Variants in PALMD observed in about 807,000 individuals in gnomAD.
PALMD encodes paralemmin-like protein.
Under a neutral mutation model 56.2 loss-of-function variants are expected in PALMD, and 42 were observed. The observed-to-expected ratio is 0.75, with a 90% CI of 0.58 to 0.97. The LOEUF (loss-of-function observed/expected upper bound fraction) is 0.97, where lower values mean the gene tolerates loss of function less well. Ranked by LOEUF, PALMD falls within the 50% of genes least tolerant of loss-of-function variation. The pLI, the probability that PALMD is intolerant of heterozygous loss-of-function variation, is 0.00. For missense variants in PALMD, 660 were observed against 643.8 expected, an observed-to-expected ratio of 1.03 and a Z score of -0.27; for synonymous variants, 242 against 222.9, an observed-to-expected ratio of 1.09 and a Z score of -0.76.
chr1:99,687,632 G>A (rs1653537635), intron 6 of PALMD, among the ~76,000 whole-genome samples: 1 of 152,156 alleles, frequency 6.6e-6, no homozygotes, highest in African/African-American at 2.4e-5. Context: ...GAAAAATGAA[G>A]GTTTGCATTA....
intron 1 of PALMD, among the ~76,000 whole-genome samples, chr1:99,659,765 AG>A (rs1652805935): frequency 6.6e-6 from 1 of 152,228 alleles, no homozygotes; most frequent in Admixed American, 6.5e-5. Flanking sequence ...ATGAGGAAAA[AG>A]TATGCCTATC....
intron 1 of PALMD, among the ~76,000 whole-genome samples, chr1:99,658,234 G>A (rs957565516): frequency 6.6e-6 from 1 of 151,004 alleles, no homozygotes; most frequent in Non-Finnish European, 1.5e-5. Context: ...AGACCAGGAG[G>A]CAGAGGTTGT....
chr1:99,665,515 CAA>C (rs1370242584), intron 2 of PALMD, among the ~76,000 whole-genome samples: 1 of 152,044 alleles, frequency 6.6e-6, no homozygotes, highest in African/African-American at 2.4e-5. Flanking sequence ...GAAGTATGAA[CAA>C]AGTTTTACAA....
At position 99,647,147 on chromosome 1, in the gene PALMD, G is replaced by A. The variant is rs147103567; in HGVS notation, c.45+785G>A. ...ATTTTATAAAACCCTGTATTTGGCA[G>A]TAACTTGGAAATCTGTGTCACAATC... On this transcript the variant is annotated intron_variant, in intron 1 of 7. Transcript: ENST00000263174. 2.9e-4 allele frequency among the ~76,000 whole-genome samples: 44 copies of A among 152,252 alleles called. 1 individual carries two copies. In the East Asian group the frequency reaches 7.5e-3, roughly 26 times the overall value.
intron 7 of PALMD, among the ~76,000 whole-genome samples, chr1:99,693,339 A>G (rs1305480396): frequency 1.3e-5 from 2 of 152,230 alleles, no homozygotes; most frequent in African/African-American, 2.4e-5. Context: ...GAATACCAGA[A>G]TACTCATCCA....
rs535278723 is a variant in PALMD, at chr1:99,648,345, G to C, written c.45+1983G>C. ...AACACATCCACTCTCCTCCCTCTTG[G>C]ACGCCCTGGGACACGCCAGCTTTCC... On this transcript the variant is annotated intron_variant, in intron 1 of 7. Coordinates refer to ENST00000263174, the MANE Select transcript of PALMD (RefSeq NM_017734.5). 4.6e-5 allele frequency among the ~76,000 whole-genome samples: 7 copies of C among 152,160 alleles called. No homozygotes were observed. In the East Asian group the frequency reaches 5.8e-4, roughly 13 times the overall value.
intron 3 of PALMD, among the ~76,000 whole-genome samples, chr1:99,672,111 CATAACCTTTAAGTAAAGCAT>C (rs1221018293): frequency 3.3e-5 from 5 of 152,202 alleles, no homozygotes; most frequent in Non-Finnish European, 7.4e-5. Flanking sequence ...CTGACTCACA[CATAACCTTTAAGTAAAGCAT>C]ATCTGCTTAT....
In PALMD at chr1:99,678,112, A is replaced by ATT. The variant is rs749171548; in HGVS notation, c.252-8549_252-8548dup. On this transcript the variant is annotated intron_variant, in intron 3 of 7. Coordinates refer to ENST00000263174, the MANE Select transcript of PALMD (RefSeq NM_017734.5). ...AGGAGAAAAGTGTAAGTCCTTTTCT[A>ATT]TTTTTTTTTTTTTTTTGAGACTGTC... Among the ~76,000 whole-genome samples, 248 of 137,404 alleles carry ATT rather than the reference A, an allele frequency of 1.8e-3. 1 individual carries two copies. Among genetic ancestry groups the ATT allele is most frequent in the African/African-American group, 6.0e-3 (228 of 37,788 alleles). The allele number at this position is 137,404 out of a possible 152,430, so 90.1% of individuals were successfully genotyped here.
chr1:99,656,575 A>G (rs980447772), intron 1 of PALMD, among the ~76,000 whole-genome samples: 5 of 152,222 alleles, frequency 3.3e-5, no homozygotes, highest in Non-Finnish European at 5.9e-5. Flanking sequence ...CAATCATTGC[A>G]CTAACTTGCC....
intron 3 of PALMD, among the ~76,000 whole-genome samples, chr1:99,678,451 G>C (rs916020759): frequency 6.6e-6 from 1 of 152,072 alleles, no homozygotes; most frequent in Non-Finnish European, 1.5e-5. Context: ...AAGCCCTGTT[G>C]TAGGGGTTTA....
At chr1:99,672,527 C>T (rs1456591992) in intron 3 of PALMD, among the ~76,000 whole-genome samples, 1 of 152,186 alleles carries the variant, frequency 6.6e-6, no homozygotes, top group Non-Finnish European at 1.5e-5. Context: ...CAATAGCCCA[C>T]ACCCAAAATG....
intron 3 of PALMD, among the ~76,000 whole-genome samples, chr1:99,672,018 G>A (rs1243674672): frequency 6.6e-6 from 1 of 152,066 alleles, no homozygotes; most frequent in Non-Finnish European, 1.5e-5. Context: ...TCCAATCTAT[G>A]CTACAATTTC....
chr1:99,680,046 A>G (rs1467670934), intron 3 of PALMD, among the ~76,000 whole-genome samples: 1 of 152,234 alleles, frequency 6.6e-6, no homozygotes, highest in African/African-American at 2.4e-5. Context: ...TCCCCTCATG[A>G]GTTCCAATCT....
chr1:99,662,595 C>T (rs1006560656), intron 2 of PALMD, among the ~76,000 whole-genome samples, 196 bp downstream of exon 2: 1 of 152,184 alleles, frequency 6.6e-6, no homozygotes, highest in Non-Finnish European at 1.5e-5. Flanking sequence ...CAAACATGTG[C>T]AAAGTTGAAC....
chr1:99,663,562 C>G (rs984242619), intron 2 of PALMD, among the ~76,000 whole-genome samples: 1 of 151,986 alleles, frequency 6.6e-6, no homozygotes, highest in Non-Finnish European at 1.5e-5. Context: ...TCCTCTCTCT[C>G]TCTCTCACAC....
chr1:99,670,910 C>CA (rs949963301), intron 3 of PALMD, among the ~76,000 whole-genome samples: 2 of 151,962 alleles, frequency 1.3e-5, no homozygotes, highest in Non-Finnish European at 2.9e-5. Flanking sequence ...AACAAAAAAA[C>CA]AAAAAAACAA....
intron 2 of PALMD, among the ~76,000 whole-genome samples, chr1:99,664,693 A>G (rs1238965780): frequency 6.6e-6 from 1 of 152,216 alleles, no homozygotes; most frequent in African/African-American, 2.4e-5. Flanking sequence ...TTTTAAAATA[A>G]TTCTACAATG....
At chr1:99,686,476 G>A (rs12125128) in intron 3 of PALMD, 200 bp from the exon 4 acceptor site, 20,832 of 362,290 alleles carry the variant, frequency 0.058, 819 homozygotes, top group African/African-American at 0.14. Flanking sequence ...CTTGAAAATC[G>A]TTCAAAGTCG....
At chr1:99,684,926 T>C (rs1291658010) in intron 3 of PALMD, 1 of 152,240 alleles carries the variant, frequency 6.6e-6, no homozygotes, top group Non-Finnish European at 1.5e-5. Flanking sequence ...TAGGCCCTGA[T>C]GTGCAAGAGC....
Sources: gnomAD v4.1 joint callset for allele counts (sites outside exome capture counted in the v4.1 genomes callset) on GRCh38, gnomAD v4.1.1 for gene constraint, MANE v1.5 for transcripts, NCBI Gene and HGNC (gene_info 2026-07-23, HGNC 2026-07-21) for gene names.